ASAP1: variants seen among roughly 807,000 people sequenced by gnomAD.
ASAP1 encodes ArfGAP with SH3 domain, ankyrin repeat and PH domain 1.
Under a neutral mutation model 145.2 loss-of-function variants are expected in ASAP1, and 43 were observed. That is an observed-to-expected ratio of 0.30 (90% CI 0.23 to 0.38). The LOEUF is 0.38. Among genes scored for constraint, ASAP1 ranks in the 10% least tolerant of loss-of-function variants. ASAP1 has a pLI of 1.00. For synonymous variants in ASAP1, 546 were observed against 515.5 expected, an observed-to-expected ratio of 1.06 and a Z score of -0.80; for missense variants, 1,018 against 1,355.3, an observed-to-expected ratio of 0.75 and a Z score of 3.91.
chr8:130,185,290 C>T (rs1814639480), intron 7 of ASAP1, among the ~76,000 whole-genome samples: 1 of 152,184 alleles, frequency 6.6e-6, no homozygotes, highest in South Asian at 2.1e-4. Flanking sequence ...TCCTGTTATA[C>T]ATTTCCAGGT....
At chr8:130,398,380 G>T (rs1586972596) in intron 2 of ASAP1, among the ~76,000 whole-genome samples, 1 of 152,112 alleles carries the variant, frequency 6.6e-6, no homozygotes. Flanking sequence ...ACTATGCTAT[G>T]AGTATACAAT....
At position 130,188,179 on chromosome 8, in the gene ASAP1, T is replaced by C; in HGVS notation, c.410A>G (p.Gln137Arg). Residue 137 changes from glutamine to arginine, a missense_variant, in exon 6 of 30, where the codon CAG (glutamine) becomes CGG (arginine). Coordinates refer to ENST00000518721, the MANE Select transcript of ASAP1 (RefSeq NM_018482.4). ...ELSTLLKNLL[Q>R]GLSHNVIFTL... ...GAAGATCACATTGTGGCTCAAACCC[T>C]GGAGCTGAAAAAGCAAAGGGAAGAT... 6.2e-7 allele frequency: 1 copy of C among 1,613,656 alleles called. No individual in the cohort carries two copies. The highest frequency in any genetic ancestry group is 1.1e-5 in the South Asian group (1 of 91,066).
At chr8:130,057,114 A>C (rs1592704862) in intron 29 of ASAP1, among the ~76,000 whole-genome samples, 1 of 152,208 alleles carries the variant, frequency 6.6e-6, no homozygotes, top group Admixed American at 6.5e-5. Flanking sequence ...GTCTTGGCCT[A>C]TTTGACAAAG....
At chr8:130,319,258 C>G (rs1314163399) in intron 3 of ASAP1, among the ~76,000 whole-genome samples, 2 of 152,026 alleles carry the variant, frequency 1.3e-5, no homozygotes, top group Non-Finnish European at 2.9e-5. Context: ...AGAACCAGCC[C>G]CCAGCTGCTA....
chr8:130,093,666 C>CAAAA (rs71572317), intron 24 of ASAP1, among the ~76,000 whole-genome samples: 868 of 51,028 alleles, frequency 0.017, 53 homozygotes, highest in East Asian at 0.068. Context: ...GACTCCGTCT[C>CAAAA]AAAAAAAAAA....
intron 3 of ASAP1, among the ~76,000 whole-genome samples, chr8:130,300,413 A>G (rs569180834): frequency 1.8e-4 from 27 of 152,310 alleles, no homozygotes; most frequent in African/African-American, 6.5e-4. Context: ...TTTCAAGGTA[A>G]AAACTCTCTG....
At chr8:130,431,016 G>A (rs1410744616) in intron 1 of ASAP1, among the ~76,000 whole-genome samples, 1 of 152,162 alleles carries the variant, frequency 6.6e-6, no homozygotes, top group Non-Finnish European at 1.5e-5. Context: ...CACTCTAAGG[G>A]ACGCACACAC....
chr8:130,275,995 T>C (rs367609502), intron 3 of ASAP1, among the ~76,000 whole-genome samples: 13 of 152,266 alleles, frequency 8.5e-5, no homozygotes, highest in African/African-American at 2.9e-4. Flanking sequence ...ACAGATTCTA[T>C]GACAGAGTGA....
At chr8:130,304,537 G>A (rs1822875663) in intron 3 of ASAP1, among the ~76,000 whole-genome samples, 1 of 152,162 alleles carries the variant, frequency 6.6e-6, no homozygotes, top group South Asian at 2.1e-4. Context: ...CCTGAAACAC[G>A]CTGTCCAATT....
At chr8:130,295,716 T>C (rs1223336811) in intron 3 of ASAP1, among the ~76,000 whole-genome samples, 1 of 152,198 alleles carries the variant, frequency 6.6e-6, no homozygotes, top group African/African-American at 2.4e-5. Context: ...TGCTGGGCTC[T>C]AACTTGGGCT....
At chr8:130,255,395 G>GA (rs1284685802) in intron 3 of ASAP1, among the ~76,000 whole-genome samples, 1 of 152,102 alleles carries the variant, frequency 6.6e-6, no homozygotes, top group Admixed American at 6.5e-5. Context: ...CCTAATAAAT[G>GA]TTTTATGTGC....
intron 5 of ASAP1, among the ~76,000 whole-genome samples, chr8:130,211,441 C>T (rs758506023): frequency 3.9e-5 from 6 of 152,104 alleles, no homozygotes; most frequent in Non-Finnish European, 7.4e-5. Context: ...GAAAAAAACC[C>T]GAAGCATCTC....
chr8:130,238,628 C>A (rs1818352047), intron 3 of ASAP1, among the ~76,000 whole-genome samples: 1 of 152,068 alleles, frequency 6.6e-6, no homozygotes, highest in African/African-American at 2.4e-5. Flanking sequence ...AAGATATATA[C>A]ACTTTCAAAT....
chr8:130,058,572 C>G (rs922693287), intron 28 of ASAP1, among the ~76,000 whole-genome samples: 1 of 152,212 alleles, frequency 6.6e-6, no homozygotes, highest in Non-Finnish European at 1.5e-5. Flanking sequence ...TTAAACACAG[C>G]AGGATCGGCC....
Position 130,084,462 on chromosome 8 carries a change from C to G in ASAP1, c.2573-4491G>C, listed in dbSNP as rs376225205. On this transcript the variant is annotated intron_variant, in intron 25 of 29. Transcript: ENST00000518721. ...GTGTGTAAGAGAAAGTTGGAGATACCTCCTGGGCAGGCAATGGAAGAAGTG... is the reference window on the plus strand; with the variant it reads ...GTGTGTAAGAGAAAGTTGGAGATACGTCCTGGGCAGGCAATGGAAGAAGTG... 1.8e-4 allele frequency: 28 copies of G among 152,258 alleles called. No homozygotes were observed. The East Asian group carries it at 4.8e-3, about 26-fold the overall frequency. 9.4% of individuals were successfully genotyped at this position (152,258 alleles called of 1,614,324 possible).
intron 29 of ASAP1, among the ~76,000 whole-genome samples, chr8:130,057,211 G>A (rs182174674): frequency 6.6e-5 from 10 of 152,330 alleles, no homozygotes; most frequent in African/African-American, 1.7e-4. Context: ...CTGATTCCCA[G>A]CCTGGGGACA....
At chr8:130,136,240 T>TC (rs1317994162) in intron 14 of ASAP1, among the ~76,000 whole-genome samples, 2 of 151,718 alleles carry the variant, frequency 1.3e-5, no homozygotes, top group African/African-American at 2.4e-5. Flanking sequence ...AAGGAACATC[T>TC]CCCCCCAACT....
At chr8:130,081,664 T>C (rs1381922075) in intron 25 of ASAP1, among the ~76,000 whole-genome samples, 1 of 152,180 alleles carries the variant, frequency 6.6e-6, no homozygotes, top group African/African-American at 2.4e-5. Context: ...TGCTTTTATA[T>C]TCATCCAGCC....
chr8:130,174,999 T>A (rs982258553), intron 9 of ASAP1, among the ~76,000 whole-genome samples: 2 of 152,260 alleles, frequency 1.3e-5, no homozygotes, highest in African/African-American at 2.4e-5. Context: ...TGCTTAACTT[T>A]GTGAGAAATT....
Sources: allele counts gnomAD v4.1 joint callset (sites outside exome capture counted in the v4.1 genomes callset), GRCh38; gene constraint gnomAD v4.1.1; transcripts MANE v1.5; gene names NCBI Gene and HGNC (gene_info 2026-07-23, HGNC 2026-07-21).